MLLT10: variants seen among roughly 807,000 people sequenced by gnomAD.
The protein encoded by MLLT10 is protein AF-10.
In MLLT10, 30 loss-of-function variants were observed where a neutral mutation model predicts 129.1. The ratio of observed to expected loss-of-function variants is 0.23; its 90% CI spans 0.17 to 0.32. The LOEUF is 0.32. Ranked by LOEUF, MLLT10 falls within the 10% of genes least tolerant of loss-of-function variation. MLLT10 has a pLI of 1.00. For missense variants in MLLT10, 1,119 were observed against 1,268.3 expected, an observed-to-expected ratio of 0.88 and a Z score of 1.79; for synonymous variants, 490 against 446.4, an observed-to-expected ratio of 1.10 and a Z score of -1.23.
At chr10:21,594,647 T>C (rs955126527) in intron 4 of MLLT10, among the ~76,000 whole-genome samples, 4 of 149,376 alleles carry the variant, frequency 2.7e-5, no homozygotes, top group Non-Finnish European at 3.0e-5. Context: ...GGCCAAAAAC[T>C]GTACCTAGGA....
At chr10:21,609,159 T>C (rs1021718458) in intron 5 of MLLT10, among the ~76,000 whole-genome samples, 2 of 152,116 alleles carry the variant, frequency 1.3e-5, no homozygotes, top group African/African-American at 4.8e-5. Context: ...TAGCTTGACC[T>C]CCTAGGATTG....
At chr10:21,636,862 A>G (rs2047511453) in intron 8 of MLLT10, among the ~76,000 whole-genome samples, 1 of 152,196 alleles carries the variant, frequency 6.6e-6, no homozygotes, top group African/African-American at 2.4e-5. Context: ...ATTCACTATA[A>G]TATGGTAGTT....
At chr10:21,597,852 C>CTG (rs1453029594) in intron 5 of MLLT10, among the ~76,000 whole-genome samples, 4 of 152,110 alleles carry the variant, frequency 2.6e-5, no homozygotes, top group Non-Finnish European at 5.9e-5. Context: ...ATATGTGATT[C>CTG]TGTGTTCTTT....
intron 8 of MLLT10, chr10:21,624,785 C>T: frequency 2.7e-6 from 3 of 1,093,594 alleles, no homozygotes; most frequent in Non-Finnish European, 1.4e-6. Context: ...TTGCGTCCTA[C>T]ATTGTCCCCT....
At chr10:21,711,021 T>C (rs1349414769) in intron 13 of MLLT10, among the ~76,000 whole-genome samples, 1 of 152,204 alleles carries the variant, frequency 6.6e-6, no homozygotes, top group Non-Finnish European at 1.5e-5. Flanking sequence ...ATTGGTCTAA[T>C]AGAATTTTCA....
chr10:21,562,404 C>G (rs746982441), intron 3 of MLLT10, among the ~76,000 whole-genome samples: 2 of 151,658 alleles, frequency 1.3e-5, no homozygotes, highest in Non-Finnish European at 2.9e-5. Context: ...GTGGCACAAT[C>G]TCAGCTCACT....
intron 9 of MLLT10, among the ~76,000 whole-genome samples, chr10:21,670,137 A>T (rs1432523419): frequency 6.6e-6 from 1 of 152,208 alleles, no homozygotes; most frequent in Admixed American, 6.5e-5. Flanking sequence ...TGCTTGACAA[A>T]TGAGTATCTT....
chr10:21,558,335 T>A (rs1480876970), intron 3 of MLLT10, among the ~76,000 whole-genome samples: 1 of 152,102 alleles, frequency 6.6e-6, no homozygotes, highest in Non-Finnish European at 1.5e-5. Flanking sequence ...TAGGTTTAAG[T>A]ATATTAAATA....
chr10:21,626,019 T>C, intron 8 of MLLT10: 1 of 1,166,266 alleles, frequency 8.6e-7, no homozygotes, highest in Middle Eastern at 2.0e-4. Context: ...CTCTGTCCTG[T>C]GGTTACATTC....
chr10:21,733,436 C>G, intron 18 of MLLT10, 68 bp from the exon 19 acceptor site: 2 of 996,564 alleles, frequency 2.0e-6, no homozygotes, highest in Non-Finnish European at 2.8e-6. Context: ...TTTTAATAAG[C>G]CTTTAATCTT....
chr10:21,534,854 A>G (rs746188172), intron 2 of MLLT10, 50 bp downstream of exon 2: 6 of 1,374,534 alleles, frequency 4.4e-6, no homozygotes, highest in Non-Finnish European at 4.8e-6. Flanking sequence ...CCCAACGGTC[A>G]CCGCCGCCCC....
chr10:21,673,006 G>C (rs1257579528), intron 10 of MLLT10, among the ~76,000 whole-genome samples: 5 of 152,144 alleles, frequency 3.3e-5, no homozygotes, highest in Non-Finnish European at 5.9e-5. Context: ...TCCTTCCTCA[G>C]GCATACATGA....
chr10:21,727,937 T>C lies in MLLT10; in HGVS notation c.2063+9T>C. On this transcript the variant is annotated intron_variant, in intron 16 of 22. Transcript: ENST00000307729. The stretch of plus-strand genomic sequence containing the variant: ...GGAAGTCTCTCGCCACGGTAAGCGC[T>C]ATTTACACTGCAAAGTATAGGCAAA... 1 of 1,613,198 alleles carries C rather than the reference T, an allele frequency of 6.2e-7. No individual in the cohort carries two copies. The highest frequency in any genetic ancestry group is 8.5e-7 in the Non-Finnish European group (1 of 1,179,294).
intron 13 of MLLT10, among the ~76,000 whole-genome samples, chr10:21,711,821 C>T (rs1462427577): frequency 6.6e-6 from 1 of 152,128 alleles, no homozygotes; most frequent in African/African-American, 2.4e-5. Flanking sequence ...TTTGGCTCAC[C>T]ACTTTTCTCA....
chr10:21,733,269 A>G (rs1477585193), intron 18 of MLLT10, among the ~76,000 whole-genome samples, 182 bp downstream of exon 18: 2 of 152,226 alleles, frequency 1.3e-5, no homozygotes, highest in Admixed American at 6.5e-5. Context: ...TTCTTAGTCC[A>G]TAATATAATG....
intron 13 of MLLT10, among the ~76,000 whole-genome samples, chr10:21,695,490 T>C (rs2054276642): frequency 6.6e-6 from 1 of 152,200 alleles, no homozygotes; most frequent in African/African-American, 2.4e-5. Context: ...TACAAGATAC[T>C]CTGTGTTCTT....
At chr10:21,670,115 A>G (rs1007724647) in intron 9 of MLLT10, among the ~76,000 whole-genome samples, 11 of 152,192 alleles carry the variant, frequency 7.2e-5, no homozygotes, top group African/African-American at 2.4e-4. Context: ...CATTGTTAAA[A>G]AAAAATGATG....
intron 13 of MLLT10, among the ~76,000 whole-genome samples, chr10:21,695,246 C>T (rs902239849): frequency 6.6e-6 from 1 of 151,974 alleles, no homozygotes; most frequent in Non-Finnish European, 1.5e-5. Flanking sequence ...GCCCTGTTGG[C>T]CAGGCTGGTC....
chr10:21,720,629 A>T (rs918621381), intron 14 of MLLT10, among the ~76,000 whole-genome samples: 1 of 152,240 alleles, frequency 6.6e-6, no homozygotes, highest in African/African-American at 2.4e-5. Flanking sequence ...TTGCTATATT[A>T]TCAAATACAT....
Sources: gnomAD v4.1 joint callset for allele counts (sites outside exome capture counted in the v4.1 genomes callset) on GRCh38, gnomAD v4.1.1 for gene constraint, MANE v1.5 for transcripts, NCBI Gene and HGNC (gene_info 2026-07-23, HGNC 2026-07-21) for gene names.